The following CUEDC1 variants were observed in gnomAD, a reference collection of about 807,000 sequenced individuals.
The protein encoded by CUEDC1 is CUE domain-containing protein 1.
In CUEDC1, 30 loss-of-function variants were observed where a neutral mutation model predicts 43.7. The ratio of observed to expected loss-of-function variants is 0.69; its 90% confidence interval spans 0.51 to 0.93. CUEDC1 has a LOEUF of 0.93. Ranked by LOEUF, CUEDC1 falls within the 40% of genes least tolerant of loss-of-function variation. The probability of loss-of-function intolerance (pLI) is 0.00; values close to 1 mark genes in which losing one functional copy is unlikely to be tolerated. For synonymous variants in CUEDC1, 223 were observed against 223.6 expected (o/e 1.00, Z 0.02); for missense variants, 486 against 549.0 (o/e 0.89, Z 1.15).
Position 57,871,323 on chromosome 17 carries a change from A to G in CUEDC1, c.831T>C (p.Ala277=), listed in dbSNP as rs1269694394. Residue 277 remains alanine, a synonymous_variant, in exon 6 of 11, where the codon GCT becomes GCC. Coordinates refer to ENST00000577830, the MANE Select transcript of CUEDC1 (RefSeq NM_001271875.2). ...AGGAAAAGCCAAAGTCGTTTCCGAC[A>G]GCCACGCTGCTGGATTTAGATTTCT... The part of the protein sequence containing the change: ...ESQKSKSSSV[A]VGNDFGFSSP... The G allele has an allele frequency of 6.2e-7, 1 of 1,614,186 alleles. No individual in the cohort carries two copies. Among genetic ancestry groups the G allele is most frequent in the Admixed American group, 1.7e-5 (1 of 60,036 alleles).
At chr17:57,907,621 G>A (rs530206370) in intron 1 of CUEDC1, among the ~76,000 whole-genome samples, 4 of 152,224 alleles carry the variant, frequency 2.6e-5, no homozygotes, top group South Asian at 4.1e-4. Flanking sequence ...CAAGGCAGGC[G>A]GATCACTTGA....
chr17:57,923,885 A>G (rs148358550), intron 1 of CUEDC1, among the ~76,000 whole-genome samples: 13 of 152,324 alleles, frequency 8.5e-5, no homozygotes, highest in African/African-American at 2.9e-4. Flanking sequence ...TTTATTGTAC[A>G]CATGAGGAAA....
At chr17:57,864,181 T>A (rs572859777) in intron 10 of CUEDC1, among the ~76,000 whole-genome samples, 2 of 150,938 alleles carry the variant, frequency 1.3e-5, no homozygotes, top group African/African-American at 2.4e-5. Flanking sequence ...ATGGAAGGAA[T>A]AGAAAAGAGA....
At chr17:57,916,900 G>A (rs2074647917) in intron 1 of CUEDC1, among the ~76,000 whole-genome samples, 1 of 152,184 alleles carries the variant, frequency 6.6e-6, no homozygotes, top group African/African-American at 2.4e-5. Flanking sequence ...AGGAGGAGGG[G>A]GTCAAGGGAG....
At chr17:57,923,902 C>T (rs868690822) in intron 1 of CUEDC1, among the ~76,000 whole-genome samples, 1 of 152,098 alleles carries the variant, frequency 6.6e-6, no homozygotes, top group African/African-American at 2.4e-5. Context: ...GAAACAGGCT[C>T]GATGGATAAG....
chr17:57,953,863 G>T (rs1030163687), intron 1 of CUEDC1, among the ~76,000 whole-genome samples: 7 of 152,168 alleles, frequency 4.6e-5, no homozygotes, highest in Admixed American at 3.9e-4. Context: ...AGTGGACAGC[G>T]GGTTTCACAC....
chr17:57,868,195 G>C lies in CUEDC1; in HGVS notation c.989C>G (p.Thr330Ser). 6.2e-7 allele frequency: 1 copy of C among 1,614,204 alleles called. No homozygotes were observed. The highest frequency in any genetic ancestry group is 8.5e-7 in the Non-Finnish European group (1 of 1,180,032). Residue 330 changes from threonine to serine, a missense_variant, in exon 8 of 11, where the codon ACC becomes AGC. By Grantham distance (58) the Thr-to-Ser change is moderately conservative (BLOSUM62 1). Coordinates refer to ENST00000577830, the MANE Select transcript of CUEDC1 (RefSeq NM_001271875.2). ...FELARAFSEKTKMRKSKRKHL... is the reference protein window; with the variant it reads ...FELARAFSEKSKMRKSKRKHL... ...TTTCCTCTTTGACTTCCTCATTTTGGTCTTCTCTGAGAAGGCTCGGGCAAG... is the reference window on the plus strand; with the variant it reads ...TTTCCTCTTTGACTTCCTCATTTTGCTCTTCTCTGAGAAGGCTCGGGCAAG...
At chr17:57,901,017 G>A (rs1414596126) in intron 1 of CUEDC1, among the ~76,000 whole-genome samples, 1 of 152,208 alleles carries the variant, frequency 6.6e-6, no homozygotes, top group Non-Finnish European at 1.5e-5. Context: ...CAGAATCTCT[G>A]AGAACATGCT....
At position 57,873,666 on chromosome 17, in the gene CUEDC1, G is replaced by A. The variant is rs2074068439; in HGVS notation, c.516C>T (p.Asn172=). Residue 172 remains asparagine, a synonymous_variant, in exon 4 of 11, where the codon AAC becomes AAT. Transcript: ENST00000577830. ...GGTTGCCCAGCAGTGGTGGGTTCCA[G>A]TTCCGATAGCGTCTCTGGCTTGTAG... ...GAPTSQRRYR[N]WNPPLLGNLP... is the part of the protein sequence containing the mutation. 3.1e-6 allele frequency: 5 copies of A among 1,605,714 alleles called. No individual in the cohort carries two copies. The highest frequency in any genetic ancestry group is 4.3e-6 in the Non-Finnish European group (5 of 1,176,082).
At chr17:57,865,823 C>CTTTTTT (rs35170290) in intron 10 of CUEDC1, among the ~76,000 whole-genome samples, 1 of 134,716 alleles carries the variant, frequency 7.4e-6, no homozygotes, top group Admixed American at 7.6e-5. Flanking sequence ...TTTTCTTTTT[C>CTTTTTT]TTTTTTTTTT....
At chr17:57,904,762 C>T (rs2074510303) in intron 1 of CUEDC1, among the ~76,000 whole-genome samples, 1 of 152,120 alleles carries the variant, frequency 6.6e-6, no homozygotes, top group Non-Finnish European at 1.5e-5. Flanking sequence ...GATCGCCCTA[C>T]CGTAGGGGAG....
At chr17:57,865,594 G>A (rs1444127904) in intron 10 of CUEDC1, among the ~76,000 whole-genome samples, 2 of 152,274 alleles carry the variant, frequency 1.3e-5, no homozygotes, top group African/African-American at 2.4e-5. Flanking sequence ...AGCTGTCTTG[G>A]CCAACTCCTG....
At chr17:57,918,274 C>T (rs1006929807) in intron 1 of CUEDC1, among the ~76,000 whole-genome samples, 5 of 152,210 alleles carry the variant, frequency 3.3e-5, no homozygotes, top group Admixed American at 6.5e-5. Flanking sequence ...CTTCTGAAAG[C>T]TCCACTTCCT....
At chr17:57,941,961 A>C (rs188369572) in intron 1 of CUEDC1, among the ~76,000 whole-genome samples, 1 of 152,320 alleles carries the variant, frequency 6.6e-6, no homozygotes, top group Admixed American at 6.5e-5. Context: ...TCCGAAAATA[A>C]GACCACCCTA....
chr17:57,915,780 A>G (rs908214357), intron 1 of CUEDC1, among the ~76,000 whole-genome samples: 3 of 152,158 alleles, frequency 2.0e-5, no homozygotes, highest in Non-Finnish European at 4.4e-5. Context: ...AAGGCTCCCT[A>G]ATAGGTTGTT....
chr17:57,893,699 G>GGGA (rs1171570993), intron 1 of CUEDC1, among the ~76,000 whole-genome samples: 1 of 152,192 alleles, frequency 6.6e-6, no homozygotes, highest in African/African-American at 2.4e-5. Flanking sequence ...TGGACCTTAG[G>GGGA]GGAGGAGGAG....
intron 2 of CUEDC1, 98 bp downstream of exon 2, chr17:57,885,131 G>A: frequency 6.8e-7 from 1 of 1,465,504 alleles, no homozygotes. Context: ...TCCTCTTAGA[G>A]GTTCCAGTGG....
chr17:57,907,386 G>A (rs1286136475), intron 1 of CUEDC1, among the ~76,000 whole-genome samples: 1 of 152,200 alleles, frequency 6.6e-6, no homozygotes, highest in East Asian at 1.9e-4. Context: ...AGGATCAGCA[G>A]TCTGTCCTAG....
At chr17:57,906,886 G>A (rs1026308270) in intron 1 of CUEDC1, among the ~76,000 whole-genome samples, 2 of 150,906 alleles carry the variant, frequency 1.3e-5, no homozygotes, top group Non-Finnish European at 1.5e-5. Flanking sequence ...CAGGAGAATC[G>A]CTTGAACCCA....
Sources: gnomAD v4.1 joint callset for allele counts (sites outside exome capture counted in the v4.1 genomes callset) on GRCh38, gnomAD v4.1.1 for gene constraint, MANE v1.5 for transcripts, NCBI Gene and HGNC (gene_info 2026-07-23, HGNC 2026-07-21) for gene names.